NDST1: variants seen among roughly 807,000 people sequenced by gnomAD.
NDST1 encodes the protein N-deacetylase and N-sulfotransferase 1.
In NDST1, 35 loss-of-function variants were observed where a neutral mutation model predicts 92.8. That is an observed-to-expected ratio of 0.38 (90% CI 0.29 to 0.50). NDST1 has a LOEUF of 0.50. Ranked by LOEUF, NDST1 falls within the 20% of genes least tolerant of loss-of-function variation. NDST1 has a pLI of 0.94. For synonymous variants in NDST1, 493 were observed against 500.3 expected, an observed-to-expected ratio of 0.99 and a Z score of 0.19; for missense variants, 822 against 1,182.7, an observed-to-expected ratio of 0.69 and a Z score of 4.47.
chr5:150,537,410 T>C (rs1755042278), intron 6 of NDST1, among the ~76,000 whole-genome samples: 1 of 152,174 alleles, frequency 6.6e-6, no homozygotes, highest in African/African-American at 2.4e-5. Flanking sequence ...GAGAATGCGT[T>C]CCCAAGAGGA....
At chr5:150,508,094 T>A (rs1425588486), upstream of NDST1, 4 of 152,380 alleles carry the variant, frequency 2.6e-5, no homozygotes, top group African/African-American at 9.6e-5. Flanking sequence ...CCCTTTCTCC[T>A]GGGGAGGGGA....
chr5:150,541,572 C>A lies in NDST1; in HGVS notation c.1752C>A (p.Asp584Glu). 1 of 1,614,158 alleles carries A rather than the reference C, an allele frequency of 6.2e-7. No homozygotes were observed. The highest frequency in any genetic ancestry group is 8.5e-7 in the Non-Finnish European group (1 of 1,179,998). ...CATCCCTTCCACTGTTGTTTTAGGA[C>A]CCCTGCGAGGACAAACGTCACAAAG... ...FSEEKDPLWQ[D>E]PCEDKRHKDI... The change falls in exon 9 of 15, where the codon GAC becomes GAA. Residue 584 changes from aspartate to glutamate, a missense_variant and splice_region_variant. Physicochemically the swap from Asp to Glu is conservative, Grantham distance 45 (BLOSUM62 2). Transcript: ENST00000261797.
rs762434286 is a variant in NDST1, at chr5:150,553,179, G to A, written c.2530-34G>A. 6 of 1,606,888 alleles carry A rather than the reference G, an allele frequency of 3.7e-6. No homozygotes were observed. The South Asian group carries it at 6.6e-5, about 18-fold the overall frequency. On this transcript the variant is annotated intron_variant, in intron 14 of 14. Transcript: ENST00000261797. The surrounding 1 kb of genome is among the most constrained non-coding windows in gnomAD (Gnocchi z 4.2). The stretch of plus-strand genomic sequence containing the variant: ...TTTAGAGGAGGTCACTCTTAAGTCA[G>A]TACACAAGGTCTGAGCTTTCCTTCC...
At chr5:150,548,174 T>A (rs752807270) in intron 11 of NDST1, 44 bp from the exon 12 acceptor site, 1 of 1,613,262 alleles carries the variant, frequency 6.2e-7, no homozygotes, top group Non-Finnish European at 8.5e-7. Flanking sequence ...CCACTTCCTT[T>A]GTGTCCTCCA....
chr5:150,526,458 A>ATCTATGCGTCTATCTAT (rs1754482662), intron 2 of NDST1, among the ~76,000 whole-genome samples: 1 of 152,198 alleles, frequency 6.6e-6, no homozygotes, highest in Non-Finnish European at 1.5e-5. Context: ...TATGCCAGGT[A>ATCTATGCGTCTATCTAT]CTAGAGAGCT....
At chr5:150,500,203 C>T (rs1328648904) in intron 1 of NDST1, among the ~76,000 whole-genome samples, 1 of 152,222 alleles carries the variant, frequency 6.6e-6, no homozygotes, top group Non-Finnish European at 1.5e-5. Context: ...TGCAAAAATG[C>T]ATGCAGATTG....
At chr5:150,511,717 C>T (rs1240700686) in intron 1 of NDST1, among the ~76,000 whole-genome samples, 3 of 152,056 alleles carry the variant, frequency 2.0e-5, no homozygotes, top group Admixed American at 1.3e-4. Flanking sequence ...TGGCTCCTGG[C>T]CAGGCAGCAC....
At chr5:150,511,375 G>C (rs891587499) in intron 1 of NDST1, among the ~76,000 whole-genome samples, 7 of 152,164 alleles carry the variant, frequency 4.6e-5, no homozygotes, top group African/African-American at 1.7e-4. Context: ...ACTGATACCT[G>C]GTGTTGCGTG....
chr5:150,541,291 G>A (rs1755236993), intron 8 of NDST1, among the ~76,000 whole-genome samples: 1 of 152,180 alleles, frequency 6.6e-6, no homozygotes, highest in Admixed American at 6.5e-5. Flanking sequence ...TTGACCCCCT[G>A]GTTCAGACGC....
upstream of NDST1, among the ~76,000 whole-genome samples, chr5:150,503,724 A>G (rs1025358878): frequency 6.6e-6 from 1 of 152,124 alleles, no homozygotes; most frequent in African/African-American, 2.4e-5. Context: ...GCCGGCCCTA[A>G]TGGACCATCT....
At position 150,540,113 on chromosome 5, in the gene NDST1, A is replaced by G; in HGVS notation, c.1598A>G (p.Tyr533Cys). 3 of 1,614,126 alleles carry G rather than the reference A, an allele frequency of 1.9e-6. No individual in the cohort carries two copies. The highest frequency in any genetic ancestry group is 2.5e-6 in the Non-Finnish European group (3 of 1,180,014). ...ATCTTCATGACGCACCTGTCCAACT[A>G]TGGGAATGACCGCCTGGGCCTGTAC... ...ISIFMTHLSN[Y>C]GNDRLGLYTF... Residue 533 changes from tyrosine (Y) to cysteine (C), a missense_variant, in exon 8 of 15, where the codon TAT becomes TGT. Coordinates refer to ENST00000261797, the MANE Select transcript of NDST1 (RefSeq NM_001543.5).
chr5:150,553,126 C>T lies in NDST1; in HGVS notation c.2530-87C>T. ...AAAGTGCTGGGATTACAGGCATGAGCCACCGTGCCCGGCCGAGCATGGCGA... is the reference window on the plus strand; with the variant it reads ...AAAGTGCTGGGATTACAGGCATGAGTCACCGTGCCCGGCCGAGCATGGCGA... On this transcript the variant is annotated intron_variant, in intron 14 of 14. Transcript: ENST00000261797. The surrounding 1 kb of genome is among the most constrained non-coding windows in gnomAD (Gnocchi z 4.2). 1.4e-6 allele frequency: 2 copies of T among 1,421,664 alleles called. No individual in the cohort carries two copies. The highest frequency in any genetic ancestry group is 2.0e-6 in the Non-Finnish European group (2 of 1,024,722). The allele number at this position is 1,421,664 out of a possible 1,614,324, so 88.1% of individuals were successfully genotyped here.
intron 1 of NDST1, among the ~76,000 whole-genome samples, chr5:150,502,561 CCTGTTG>C (rs1466076780): frequency 6.6e-6 from 1 of 152,014 alleles, no homozygotes; most frequent in East Asian, 1.9e-4. Context: ...CCTGCATGTT[CCTGTTG>C]CTGTCAGGAA....
rs3733933 is a variant in NDST1, at chr5:150,554,020, C to G, written c.*688C>G. 4.9e-4 allele frequency: 202 copies of G among 408,274 alleles called. 1 individual carries two copies. The East Asian group carries it at 6.7e-3, about 14-fold the overall frequency. 25.3% of individuals were successfully genotyped at this position (408,274 alleles called of 1,614,324 possible). A position where few individuals can be genotyped will look rare whatever the true frequency, so the allele number is the denominator to read the frequency against. On this transcript the variant is annotated 3_prime_UTR_variant, in exon 15 of 15. Transcript: ENST00000261797. ...ATCGGGCCCAGTTCTCCGGGCCCCACCTGCACCCCTTTCTTCCCCCTGGGA... is the reference window on the plus strand; with the variant it reads ...ATCGGGCCCAGTTCTCCGGGCCCCAGCTGCACCCCTTTCTTCCCCCTGGGA...
In NDST1 at chr5:150,553,748, G is replaced by A; in HGVS notation, c.*416G>A. 1 of 417,390 alleles carries A rather than the reference G, an allele frequency of 2.4e-6. No individual in the cohort carries two copies. The highest frequency in any genetic ancestry group is 2.0e-5 in the African/African-American group (1 of 49,978). The allele number at this position is 417,390 out of a possible 1,614,324, so 25.9% of individuals were successfully genotyped here. A position where few individuals can be genotyped will look rare whatever the true frequency, so the allele number is the denominator to read the frequency against. ...GTCCTCCAGGCTGTAGGGGAGGAGAGCCTGGCCGGGGGAGACAGACTGGAC... is the reference window on the plus strand; with the variant it reads ...GTCCTCCAGGCTGTAGGGGAGGAGAACCTGGCCGGGGGAGACAGACTGGAC... On this transcript the variant is annotated 3_prime_UTR_variant, in exon 15 of 15. Coordinates refer to ENST00000261797, the MANE Select transcript of NDST1 (RefSeq NM_001543.5). This position sits in a 1 kb window ranked among gnomAD's most constrained non-coding sequence, Gnocchi z 4.2.
chr5:150,519,537 A>G (rs1161544042), intron 1 of NDST1, among the ~76,000 whole-genome samples: 2 of 152,110 alleles, frequency 1.3e-5, no homozygotes, highest in Non-Finnish European at 2.9e-5. Flanking sequence ...GAGAAACCCC[A>G]TCTCTACTGG....
chr5:150,505,649 G>A (rs375888245), upstream of NDST1, among the ~76,000 whole-genome samples: 1 of 152,140 alleles, frequency 6.6e-6, no homozygotes, highest in African/African-American at 2.4e-5. Context: ...AGGAAGCTGG[G>A]GCCACTGTGC....
At chr5:150,546,934 C>T (rs966494403) in intron 11 of NDST1, among the ~76,000 whole-genome samples, 1 of 152,228 alleles carries the variant, frequency 6.6e-6, no homozygotes, top group African/African-American at 2.4e-5. Context: ...GCTGTGTGCC[C>T]CCGCCTCCTG....
intron 1 of NDST1, among the ~76,000 whole-genome samples, chr5:150,500,704 C>T (rs1345540210): frequency 1.3e-5 from 2 of 152,236 alleles, no homozygotes; most frequent in African/African-American, 2.4e-5. Flanking sequence ...CTGGGTGGCC[C>T]AGTGACCTGG....
Sources: allele counts gnomAD v4.1 joint callset (sites outside exome capture counted in the v4.1 genomes callset), GRCh38; gene constraint gnomAD v4.1.1; non-coding constraint Gnocchi (gnomAD v3.1); transcripts MANE v1.5; gene names NCBI Gene and HGNC (gene_info 2026-07-23, HGNC 2026-07-21).